Variants in LRRC4C observed in about 807,000 individuals in gnomAD.
The protein encoded by LRRC4C is leucine-rich repeat-containing protein 4C.
A neutral mutation model predicts 33.6 loss-of-function variants in LRRC4C; 5 were observed. The ratio of observed to expected loss-of-function variants is 0.15; its 90% confidence interval spans 0.08 to 0.31. The LOEUF (loss-of-function observed/expected upper bound fraction) is 0.31. Ranked by LOEUF, LRRC4C falls within the 10% of genes least tolerant of loss-of-function variation. LRRC4C has a pLI of 1.00. For missense variants in LRRC4C, 560 were observed against 796.7 expected (o/e 0.70, Z 3.58); for synonymous variants, 329 against 302.0 (o/e 1.09, Z -0.93).
intron 3 of LRRC4C, among the ~76,000 whole-genome samples, chr11:40,618,900 A>T (rs952758586): frequency 1.3e-5 from 2 of 151,728 alleles, no homozygotes; most frequent in African/African-American, 2.4e-5. Context: ...TACATCTATA[A>T]ATGGGTCAAC....
chr11:41,432,640 T>G (rs919942055), intron 1 of LRRC4C, among the ~76,000 whole-genome samples: 1 of 151,988 alleles, frequency 6.6e-6, no homozygotes, highest in Admixed American at 6.6e-5. Flanking sequence ...AGAGAGGAAA[T>G]GCACAGCAAA....
intron 3 of LRRC4C, among the ~76,000 whole-genome samples, chr11:40,579,210 C>G (rs1015513021): frequency 6.6e-6 from 1 of 151,878 alleles, no homozygotes. Flanking sequence ...ATGGCATGTG[C>G]CTGTGGTTCC....
chr11:40,394,798 T>A (rs539322580), intron 3 of LRRC4C, among the ~76,000 whole-genome samples: 1 of 152,310 alleles, frequency 6.6e-6, no homozygotes, highest in African/African-American at 2.4e-5. Context: ...TCTTTTCAAA[T>A]GGGTTTTATT....
At chr11:40,128,356 T>C (rs1228660681) in intron 6 of LRRC4C, among the ~76,000 whole-genome samples, 3 of 152,190 alleles carry the variant, frequency 2.0e-5, no homozygotes, top group African/African-American at 7.2e-5. Flanking sequence ...ACTATTCTGA[T>C]TCAACCTTAA....
intron 2 of LRRC4C, among the ~76,000 whole-genome samples, chr11:40,739,015 G>A (rs2136882706): frequency 8.6e-6 from 1 of 115,706 alleles, no homozygotes; most frequent in East Asian, 2.1e-4. Context: ...TATTGTGTGT[G>A]TGTGTGTGTG....
intron 2 of LRRC4C, among the ~76,000 whole-genome samples, chr11:40,893,202 T>C (rs1032679584): frequency 2.5e-4 from 38 of 152,008 alleles, no homozygotes; most frequent in African/African-American, 9.2e-4. Flanking sequence ...GGGAGTAGAA[T>C]GATGGTTACC....
chr11:40,681,762 G>A (rs1180356646), intron 2 of LRRC4C, among the ~76,000 whole-genome samples: 1 of 152,096 alleles, frequency 6.6e-6, no homozygotes, highest in East Asian at 1.9e-4. Flanking sequence ...ATACTACTCA[G>A]CCATAAAAAG....
chr11:40,298,023 G>A (rs751541978), intron 4 of LRRC4C, among the ~76,000 whole-genome samples: 4 of 152,142 alleles, frequency 2.6e-5, no homozygotes, highest in Non-Finnish European at 5.9e-5. Flanking sequence ...TATTTCTAAT[G>A]CTTTGTACAC....
chr11:41,177,629 C>T (rs2136132171), intron 1 of LRRC4C, among the ~76,000 whole-genome samples: 1 of 152,268 alleles, frequency 6.6e-6, no homozygotes, highest in Middle Eastern at 3.4e-3. Context: ...TGAGTCAATT[C>T]ACTAATGATA....
At chr11:41,086,595 A>G (rs1940005733) in intron 1 of LRRC4C, among the ~76,000 whole-genome samples, 1 of 152,120 alleles carries the variant, frequency 6.6e-6, no homozygotes, top group Admixed American at 6.6e-5. Context: ...AATTATGATA[A>G]GAATAGCTAT....
intron 2 of LRRC4C, among the ~76,000 whole-genome samples, chr11:40,894,605 G>A (rs1955858416): frequency 6.6e-6 from 1 of 152,126 alleles, no homozygotes; most frequent in Non-Finnish European, 1.5e-5. Context: ...CAGCATTTCA[G>A]TATTTCCTAA....
Position 40,121,123 on chromosome 11 carries a change from TGTG to T in LRRC4C, c.-42-4792_-42-4790del, listed in dbSNP as rs141202942. On this transcript the variant is annotated intron_variant, in intron 6 of 6. Coordinates refer to ENST00000528697, the MANE Select transcript of LRRC4C (RefSeq NM_001258419.2). ...AGCAATAATATCGCTTATTCAAATTTGTGGTAAGGATTTCTTGATATAATCGGG... is the reference window on the plus strand; with the variant it reads ...AGCAATAATATCGCTTATTCAAATTTGTAAGGATTTCTTGATATAATCGGG... 2.4e-3 allele frequency among the ~76,000 whole-genome samples: 360 copies of T among 152,306 alleles called. 12 individuals carry two copies. The East Asian group carries it at 0.059, about 25-fold the overall frequency.
At position 40,802,343 on chromosome 11, in the gene LRRC4C, T is replaced by A. The variant is rs567299190; in HGVS notation, c.-407+131292A>T. ...AGTGGGTATTTAATAAATGGTAATT[T>A]TAAAAAAAAACAAAACCAGTCTGGT... On this transcript the variant is annotated intron_variant, in intron 2 of 6. Coordinates refer to ENST00000528697, the MANE Select transcript of LRRC4C (RefSeq NM_001258419.2). Among the ~76,000 whole-genome samples, 18 of 150,912 alleles carry A rather than the reference T, an allele frequency of 1.2e-4. No individual in the cohort carries two copies. The East Asian group carries it at 2.0e-3, about 16-fold the overall frequency.
At chr11:40,162,964 T>G (rs1859282650) in intron 5 of LRRC4C, among the ~76,000 whole-genome samples, 1 of 152,218 alleles carries the variant, frequency 6.6e-6, no homozygotes, top group Non-Finnish European at 1.5e-5. Context: ...TCTATAAGCT[T>G]CATTATCCCT....
intron 2 of LRRC4C, among the ~76,000 whole-genome samples, chr11:40,772,359 T>C (rs1385342248): frequency 6.6e-6 from 1 of 152,114 alleles, no homozygotes; most frequent in Non-Finnish European, 1.5e-5. Flanking sequence ...ACGAGGTCCC[T>C]CTCCCAACAC....
intron 2 of LRRC4C, among the ~76,000 whole-genome samples, chr11:40,767,662 T>C (rs1949539598): frequency 6.6e-6 from 1 of 151,834 alleles, no homozygotes; most frequent in African/African-American, 2.4e-5. Context: ...AGAAATAATA[T>C]GACAAACTTT....
At position 40,986,810 on chromosome 11, in the gene LRRC4C, C is replaced by T. The variant is rs550013778; in HGVS notation, c.-495-53087G>A. Among the ~76,000 whole-genome samples, 18 of 152,236 alleles carry T rather than the reference C, an allele frequency of 1.2e-4. No individual in the cohort carries two copies. In the South Asian group the frequency reaches 3.5e-3, roughly 30 times the overall value. On this transcript the variant is annotated intron_variant, in intron 1 of 6. Coordinates refer to ENST00000528697, the MANE Select transcript of LRRC4C (RefSeq NM_001258419.2). ...GTAACAAATATCTGTATCTATATAT[C>T]TGTGTATTTTATGTGGAAATATTTA... is the stretch of plus-strand genomic sequence containing the variant.
chr11:40,563,663 C>T (rs1957643425), intron 3 of LRRC4C, among the ~76,000 whole-genome samples: 1 of 152,120 alleles, frequency 6.6e-6, no homozygotes, highest in Non-Finnish European at 1.5e-5. Flanking sequence ...TGTACATTCT[C>T]GAGCCTGGCA....
At chr11:40,870,540 T>C (rs1954584959) in intron 2 of LRRC4C, among the ~76,000 whole-genome samples, 1 of 152,186 alleles carries the variant, frequency 6.6e-6, no homozygotes, top group Admixed American at 6.5e-5. Flanking sequence ...TGGACATTTA[T>C]TAGTTCCCCA....
Sources: gnomAD v4.1 joint callset for allele counts (sites outside exome capture counted in the v4.1 genomes callset) on GRCh38, gnomAD v4.1.1 for gene constraint, MANE v1.5 for transcripts, NCBI Gene and HGNC (gene_info 2026-07-23, HGNC 2026-07-21) for gene names.